WNK1: variants seen among roughly 807,000 people sequenced by gnomAD.
WNK1 encodes the protein WNK lysine deficient protein kinase 1.
A neutral mutation model predicts 222.8 loss-of-function variants in WNK1; 38 were observed. The observed-to-expected ratio is 0.17, with a 90% CI of 0.13 to 0.22. WNK1 has a LOEUF of 0.22. Ranked by LOEUF, WNK1 falls within the 10% of genes least tolerant of loss-of-function variation. WNK1 has a pLI of 1.00. For missense variants in WNK1, 2,348 were observed against 2,918.4 expected, an observed-to-expected ratio of 0.80 and a Z score of 4.50; for synonymous variants, 1,090 against 1,092.9, an observed-to-expected ratio of 1.00 and a Z score of 0.05.
intron 9 of WNK1, among the ~76,000 whole-genome samples, chr12:876,284 C>T (rs1263901464): frequency 6.6e-6 from 1 of 152,128 alleles, no homozygotes; most frequent in Non-Finnish European, 1.5e-5. Context: ...TGGCAGGCGC[C>T]TGTAGTCCCA....
intron 26 of WNK1, among the ~76,000 whole-genome samples, chr12:903,945 A>ATGTTAT (rs1315304789): frequency 2.0e-5 from 3 of 152,224 alleles, no homozygotes; most frequent in Admixed American, 2.0e-4. Flanking sequence ...GGGTTAGTAT[A>ATGTTAT]TATATGTGGG....
chr12:881,989 A>G lies in WNK1; in HGVS notation c.3288A>G (p.Arg1096=). ...CTTCCAGTGGAAGGCATGAAGGAAG[A>G]ACTACAAAACGGCATTACCGAAAAT... ...VPSSSGRHEG[R]TTKRHYRKSV... Residue 1096 remains arginine, a synonymous_variant, in exon 14 of 28, where the codon AGA becomes AGG. Coordinates refer to ENST00000315939, the MANE Select transcript of WNK1 (RefSeq NM_018979.4). The G allele has an allele frequency of 6.2e-7, 1 of 1,614,236 alleles. No homozygotes were observed. Among genetic ancestry groups the G allele is most frequent in the Non-Finnish European group, 8.5e-7 (1 of 1,180,044 alleles).
At chr12:794,795 T>G (rs1411399151) in intron 1 of WNK1, among the ~76,000 whole-genome samples, 1 of 152,226 alleles carries the variant, frequency 6.6e-6, no homozygotes, top group Non-Finnish European at 1.5e-5. Context: ...TCTGTCATCT[T>G]GGCTGGAGTG....
Position 868,197 on chromosome 12 carries a change from C to T in WNK1, c.2140-3068C>T. The stretch of plus-strand genomic sequence containing the variant: ...ATACAGGTCCATCCTATGTTTGAAC[C>T]ATCTCAAGTTTACAGTGACTATAGA... On this transcript the variant is annotated intron_variant, in intron 8 of 27. Transcript: ENST00000315939. The T allele has an allele frequency of 3.1e-6, 5 of 1,613,636 alleles. No homozygotes were observed. Among genetic ancestry groups the T allele is most frequent in the Non-Finnish European group, 4.2e-6 (5 of 1,179,668 alleles).
intron 1 of WNK1, among the ~76,000 whole-genome samples, chr12:759,277 A>C: frequency 6.8e-6 from 1 of 147,200 alleles, no homozygotes; most frequent in East Asian, 1.9e-4. Context: ...CAGTTCTTTA[A>C]ATTATATTGA....
chr12:786,761 C>G (rs1396008186), intron 1 of WNK1, among the ~76,000 whole-genome samples: 1 of 152,148 alleles, frequency 6.6e-6, no homozygotes, highest in Non-Finnish European at 1.5e-5. Context: ...GCCACTGTGC[C>G]TGGCCCTTTA....
At chr12:828,741 C>A (rs969795382) in intron 3 of WNK1, among the ~76,000 whole-genome samples, 2 of 152,098 alleles carry the variant, frequency 1.3e-5, no homozygotes, top group Admixed American at 6.6e-5. Flanking sequence ...TAATTTAATG[C>A]CTATTTTGAT....
rs866924313 is a variant in WNK1 at position 879,934 on chromosome 12, C to T, written c.2735C>T (p.Pro912Leu). 2 of 1,613,998 alleles carry T rather than the reference C, an allele frequency of 1.2e-6. No homozygotes were observed. Among genetic ancestry groups the T allele is most frequent in the African/African-American group, 2.7e-5 (2 of 74,914 alleles). The change falls in exon 11 of 28, where the codon CCA becomes CTA. Residue 912 changes from proline to leucine, a missense_variant. By Grantham distance (98) the Pro-to-Leu change is moderately conservative. Around this residue, in one of 13 missense-constraint regions of WNK1, gnomAD observed 547 missense variants for 558.3 expected, o/e 0.98. Coordinates refer to ENST00000315939, the MANE Select transcript of WNK1 (RefSeq NM_018979.4). ...ACTCAGCTGCCAAGTCAGGTTCACC[C>T]ACAGCTCCTACAACCAGCAGTTCAG... is the stretch of plus-strand genomic sequence containing the variant. ...PVTQLPSQVH[P>L]QLLQPAVQSM...
chr12:834,467 G>A (rs1213315665), intron 4 of WNK1, among the ~76,000 whole-genome samples: 2 of 152,142 alleles, frequency 1.3e-5, no homozygotes, highest in Non-Finnish European at 2.9e-5. Flanking sequence ...GGGTGGTGGT[G>A]GATAGGGTAG....
chr12:760,477 TCCA>T, intron 1 of WNK1, among the ~76,000 whole-genome samples: 1 of 147,712 alleles, frequency 6.8e-6, no homozygotes, highest in Non-Finnish European at 1.5e-5. Flanking sequence ...TTGTTGAAGA[TCCA>T]CTGAAATACT....
intron 4 of WNK1, among the ~76,000 whole-genome samples, chr12:854,493 G>A (rs1051061525): frequency 1.3e-5 from 2 of 151,328 alleles, no homozygotes; most frequent in Non-Finnish European, 1.5e-5. Context: ...AAGTAGCTGG[G>A]ATTACAGGCA....
rs571650603 is a variant in WNK1 at position 793,386 on chromosome 12, A to G, written c.760-20256A>G. Among the ~76,000 whole-genome samples the G allele has an allele frequency of 8.5e-5, 13 of 152,356 alleles. No individual in the cohort carries two copies. In the South Asian group the frequency reaches 2.1e-3, roughly 24 times the overall value. ...CGTGTTGGTTCTCCTAATTAATGTA[A>G]ATTAAAACAAGGAGACTGCCCACAA... is the stretch of plus-strand genomic sequence containing the variant. On this transcript the variant is annotated intron_variant, in intron 1 of 27. Coordinates refer to ENST00000315939, the MANE Select transcript of WNK1 (RefSeq NM_018979.4).
At position 908,603 on chromosome 12, in the gene WNK1, G is replaced by A. The variant is rs200578713; in HGVS notation, c.6960G>A (p.Met2320Ile). ...ATSLGHFTKSMCPPQQYGFPA... is the reference protein window; with the variant it reads ...ATSLGHFTKSICPPQQYGFPA... ...CTCTAGGTCACTTCACCAAGTCTATGTGCCCCCCACAGCAGTATGGCTTTC... is the reference window on the plus strand; with the variant it reads ...CTCTAGGTCACTTCACCAAGTCTATATGCCCCCCACAGCAGTATGGCTTTC... Residue 2320 changes from methionine (M) to isoleucine (I), a missense_variant, in exon 28 of 28, where the codon ATG (methionine) becomes ATA (isoleucine). This residue lies in a region of WNK1 where 76 missense variants were observed against 85.7 expected (regional missense o/e 0.89). Transcript: ENST00000315939. The A allele has an allele frequency of 4.3e-6, 7 of 1,614,016 alleles. No individual in the cohort carries two copies. The highest frequency in any genetic ancestry group is 1.7e-5 in the Admixed American group (1 of 59,994).
Position 889,224 on chromosome 12 carries a change from G to T in WNK1, c.5448+1G>T, listed in dbSNP as rs1953966878. 6.2e-7 allele frequency: 1 copy of T among 1,613,480 alleles called. No homozygotes were observed. The highest frequency in any genetic ancestry group is 1.7e-5 in the Admixed American group (1 of 60,028). ...GATCACAGTGACTTCTGCGGTTGGTGTAAGTTTTGAAAATCTTGATAAAAT... is the reference window on the plus strand; with the variant it reads ...GATCACAGTGACTTCTGCGGTTGGTTTAAGTTTTGAAAATCTTGATAAAAT... On this transcript the variant is annotated splice_donor_variant, in intron 21 of 27. Transcript: ENST00000315939. LOFTEE classifies it high-confidence loss of function.
At chr12:890,264 C>T (rs1166903221) in intron 21 of WNK1, among the ~76,000 whole-genome samples, 189 bp from the exon 22 acceptor site, 9 of 151,732 alleles carry the variant, frequency 5.9e-5, no homozygotes, top group Admixed American at 5.9e-4. Flanking sequence ...TAAAAGGTGC[C>T]TTTCTTTACA....
At chr12:906,826 G>A in intron 26 of WNK1, 1 of 864,300 alleles carries the variant, frequency 1.2e-6, no homozygotes, top group Middle Eastern at 5.9e-4. Flanking sequence ...GATTGCCTGA[G>A]CCCAGCAGTT....
chr12:842,156 G>A (rs987903509), intron 4 of WNK1, among the ~76,000 whole-genome samples: 30 of 152,254 alleles, frequency 2.0e-4, no homozygotes, highest in African/African-American at 7.2e-4. Flanking sequence ...TGTATATTTG[G>A]GAGAGTTGTA....
chr12:847,693 A>C (rs1318432302), intron 4 of WNK1, among the ~76,000 whole-genome samples: 1 of 151,190 alleles, frequency 6.6e-6, no homozygotes, highest in Non-Finnish European at 1.5e-5. Flanking sequence ...AATTATATTT[A>C]TCTTCTAGGT....
chr12:805,217 G>A (rs758278457), intron 1 of WNK1, among the ~76,000 whole-genome samples: 13 of 151,988 alleles, frequency 8.6e-5, no homozygotes, highest in Non-Finnish European at 1.5e-4. Context: ...TTTCCACATT[G>A]TCTATACCAT....
Sources: allele counts gnomAD v4.1 joint callset (sites outside exome capture counted in the v4.1 genomes callset), GRCh38; gene constraint gnomAD v4.1.1; regional missense constraint gnomAD v4.1.1; transcripts MANE v1.5; gene names NCBI Gene and HGNC (gene_info 2026-07-23, HGNC 2026-07-21).